CDH12: variants seen among roughly 807,000 people sequenced by gnomAD.
CDH12 encodes the protein cadherin 12, also known as cadherin-12.
In CDH12, 41 loss-of-function variants were observed where a neutral mutation model predicts 74.1. The ratio of observed to expected loss-of-function variants is 0.55; its 90% confidence interval spans 0.43 to 0.72. The LOEUF (loss-of-function observed/expected upper bound fraction) is 0.72, where lower values mean the gene tolerates loss of function less well. CDH12 is among the 30% of genes least tolerant of loss of function. The pLI is 0.00. For synonymous variants in CDH12, 399 were observed against 355.0 expected (o/e 1.12, Z -1.39); for missense variants, 945 against 977.2 (o/e 0.97, Z 0.44).
chr5:22,817,102 G>C (rs75500630), intron 1 of CDH12, among the ~76,000 whole-genome samples: 1,613 of 152,060 alleles, frequency 0.011, 28 homozygotes, highest in African/African-American at 0.037. Flanking sequence ...GCTATTACTA[G>C]TCGTAATATT....
chr5:22,382,589 G>A (rs1464059404), intron 3 of CDH12, among the ~76,000 whole-genome samples: 1 of 151,818 alleles, frequency 6.6e-6, no homozygotes, highest in Non-Finnish European at 1.5e-5. Flanking sequence ...TCTCCTCTAC[G>A]AATTACTTGC....
chr5:22,720,966 A>G (rs1374530309), intron 1 of CDH12, among the ~76,000 whole-genome samples: 1 of 152,252 alleles, frequency 6.6e-6, no homozygotes, highest in Non-Finnish European at 1.5e-5. Context: ...GTGGTAGAAA[A>G]GAAAAACCTA....
At chr5:22,285,528 T>C (rs975357321) in intron 3 of CDH12, among the ~76,000 whole-genome samples, 14 of 152,156 alleles carry the variant, frequency 9.2e-5, no homozygotes, top group African/African-American at 3.1e-4. Context: ...AATTATTTCA[T>C]AGTATCATGA....
At chr5:22,792,431 T>C (rs182433856) in intron 1 of CDH12, among the ~76,000 whole-genome samples, 2 of 152,252 alleles carry the variant, frequency 1.3e-5, no homozygotes, top group Admixed American at 1.3e-4. Flanking sequence ...GCATATTACT[T>C]TGACAGTGGT....
chr5:22,321,827 A>T (rs1738897467), intron 3 of CDH12, among the ~76,000 whole-genome samples: 1 of 152,122 alleles, frequency 6.6e-6, no homozygotes, highest in Admixed American at 6.6e-5. Flanking sequence ...GCAGCAACGT[A>T]TTATTAAAGA....
intron 2 of CDH12, among the ~76,000 whole-genome samples, chr5:22,448,800 T>G (rs764125633): frequency 1.6e-4 from 24 of 152,024 alleles, no homozygotes; most frequent in Non-Finnish European, 3.2e-4. Flanking sequence ...CTTCTTCTGG[T>G]ATTAATAACA....
At chr5:22,362,752 TA>T (rs1212315528) in intron 3 of CDH12, among the ~76,000 whole-genome samples, 33 of 151,618 alleles carry the variant, frequency 2.2e-4, no homozygotes, top group Admixed American at 1.8e-3. Flanking sequence ...TATGCAGCCA[TA>T]AAAAAGGATG....
chr5:22,780,340 A>G (rs1225281303), intron 1 of CDH12, among the ~76,000 whole-genome samples: 1 of 152,164 alleles, frequency 6.6e-6, no homozygotes, highest in Non-Finnish European at 1.5e-5. Flanking sequence ...GCAGTGAGCT[A>G]TTGTGTTAGT....
At chr5:21,758,994 G>C (rs554178282) in intron 13 of CDH12, among the ~76,000 whole-genome samples, 1 of 151,890 alleles carries the variant, frequency 6.6e-6, no homozygotes, top group Non-Finnish European at 1.5e-5. Context: ...GAGACAAAGG[G>C]TTAAAAAAAC....
At chr5:22,072,530 TTG>T (rs36214247) in intron 5 of CDH12, among the ~76,000 whole-genome samples, 5,108 of 146,124 alleles carry the variant, frequency 0.035, 116 homozygotes, top group African/African-American at 0.072. Flanking sequence ...TATAGCACTT[TTG>T]TGTGTGTGTG....
intron 3 of CDH12, among the ~76,000 whole-genome samples, chr5:22,258,442 C>A (rs914571458): frequency 1.3e-5 from 2 of 152,036 alleles, no homozygotes; most frequent in Non-Finnish European, 1.5e-5. Context: ...CTCTGTATCT[C>A]CCCACCACCA....
At chr5:21,920,534 G>A (rs1754302188) in intron 6 of CDH12, among the ~76,000 whole-genome samples, 1 of 151,942 alleles carries the variant, frequency 6.6e-6, no homozygotes, top group South Asian at 2.1e-4. Context: ...GTCAGGGTGT[G>A]GGGGCCAGGG....
At chr5:22,776,263 G>A (rs1188154187) in intron 1 of CDH12, among the ~76,000 whole-genome samples, 1 of 152,072 alleles carries the variant, frequency 6.6e-6, no homozygotes, top group African/African-American at 2.4e-5. Flanking sequence ...AAAGCTCTGG[G>A]TACTCTACCA....
chr5:22,426,100 T>C (rs927845525), intron 2 of CDH12, among the ~76,000 whole-genome samples: 1 of 151,156 alleles, frequency 6.6e-6, no homozygotes, highest in Non-Finnish European at 1.5e-5. Context: ...CGCAGGAGAA[T>C]TGCTTGAACC....
intron 3 of CDH12, among the ~76,000 whole-genome samples, chr5:22,225,179 G>A (rs1253981840): frequency 1.3e-5 from 2 of 152,032 alleles, no homozygotes; most frequent in Non-Finnish European, 2.9e-5. Flanking sequence ...AGACAATGAT[G>A]ACTTTGTGAC....
chr5:21,994,288 G>C (rs983272553), intron 5 of CDH12, among the ~76,000 whole-genome samples: 7 of 147,552 alleles, frequency 4.7e-5, no homozygotes, highest in African/African-American at 1.9e-4. Context: ...ACACACAAAG[G>C]GAGACAGAGG....
intron 6 of CDH12, among the ~76,000 whole-genome samples, chr5:21,897,140 G>T (rs1178399771): frequency 1.3e-5 from 2 of 152,124 alleles, no homozygotes; most frequent in Admixed American, 6.5e-5. Context: ...GGAAAAAAAG[G>T]TTATATAAAT....
intron 1 of CDH12, among the ~76,000 whole-genome samples, chr5:22,745,894 C>A (rs755609568): frequency 6.6e-6 from 1 of 151,860 alleles, no homozygotes; most frequent in African/African-American, 2.4e-5. Context: ...AAGGCCTGCA[C>A]GTGTACCCCA....
At chr5:22,756,228 CAAAT>C (rs1745902505) in intron 1 of CDH12, among the ~76,000 whole-genome samples, 1 of 150,326 alleles carries the variant, frequency 6.7e-6, no homozygotes, top group Non-Finnish European at 1.5e-5. Context: ...AACAAATAAA[CAAAT>C]AATGAGTTAC....
Sources: gnomAD v4.1 joint callset for allele counts (sites outside exome capture counted in the v4.1 genomes callset) on GRCh38, gnomAD v4.1.1 for gene constraint, MANE v1.5 for transcripts, NCBI Gene and HGNC (gene_info 2026-07-23, HGNC 2026-07-21) for gene names.